Variants in INPP5A observed in about 807,000 individuals in gnomAD.
INPP5A encodes the protein inositol polyphosphate-5-phosphatase A.
A neutral mutation model predicts 65.2 loss-of-function variants in INPP5A; 14 were observed. The observed-to-expected ratio is 0.21, with a 90% confidence interval of 0.14 to 0.34. The LOEUF (loss-of-function observed/expected upper bound fraction) is 0.34, where lower values mean the gene tolerates loss of function less well. Ranked by LOEUF, INPP5A falls within the 10% of genes least tolerant of loss-of-function variation. The pLI is 1.00. For missense variants in INPP5A, 431 were observed against 545.6 expected (o/e 0.79, Z 2.09); for synonymous variants, 207 against 208.3 (o/e 0.99, Z 0.05).
rs957731386 is a variant in INPP5A at position 132,710,439 on chromosome 10, G to T, written c.630G>T (p.Leu210=). Residue 210 remains leucine (L), a synonymous_variant, in exon 8 of 16, where the codon CTG becomes CTT. Transcript: ENST00000368594. ...ACTCGGGAATCCGGCACAAGGCACT[G>T]GGCTACGTGCTGGACAGGTAGGTGT... ...SVYSGIRHKA[L]GYVLDRIIDQ... 1.5e-5 allele frequency: 24 copies of T among 1,613,822 alleles called. No individual in the cohort carries two copies. The highest frequency in any genetic ancestry group is 1.9e-5 in the Non-Finnish European group (23 of 1,180,002).
chr10:132,582,292 G>A (rs2071494178), intron 1 of INPP5A, among the ~76,000 whole-genome samples: 1 of 151,904 alleles, frequency 6.6e-6, no homozygotes, highest in Non-Finnish European at 1.5e-5. Flanking sequence ...TGCTTTTACT[G>A]TCTACATTTG....
intron 8 of INPP5A, among the ~76,000 whole-genome samples, chr10:132,714,857 A>G (rs1845713827): frequency 6.6e-6 from 1 of 152,170 alleles, no homozygotes; most frequent in Non-Finnish European, 1.5e-5. Flanking sequence ...GCGAACCTTT[A>G]CTTTTTTGTG....
intron 1 of INPP5A, among the ~76,000 whole-genome samples, chr10:132,543,324 C>CGGTCT (rs1212651417): frequency 6.6e-6 from 1 of 152,102 alleles, no homozygotes; most frequent in Non-Finnish European, 1.5e-5. Context: ...TGGGATCAGA[C>CGGTCT]GGTCTGCCCT....
chr10:132,562,757 C>T lies in INPP5A; in HGVS notation c.75+24586C>T, dbSNP rs150238901. Among the ~76,000 whole-genome samples the T allele has an allele frequency of 7.1e-3, 1,085 of 152,344 alleles. 15 individuals are homozygous for T. Among genetic ancestry groups the T allele is most frequent in the Non-Finnish European group, 8.4e-3 (574 of 68,030 alleles). Reference sequence around the variant, plus strand: ...ATCTCGAGGGTGAATTAAAGTCACCCCACGCCCAGGACCAGACCTTGGCTC... The same window carrying T: ...ATCTCGAGGGTGAATTAAAGTCACCTCACGCCCAGGACCAGACCTTGGCTC... On this transcript the variant is annotated intron_variant, in intron 1 of 15. Transcript: ENST00000368594.
chr10:132,657,407 C>G (rs2072671187), intron 4 of INPP5A, among the ~76,000 whole-genome samples: 1 of 152,222 alleles, frequency 6.6e-6, no homozygotes, highest in Admixed American at 6.5e-5. Flanking sequence ...GTCTGCCTCC[C>G]CCGCGGCTGG....
chr10:132,720,487 T>C (rs11593622), intron 8 of INPP5A, among the ~76,000 whole-genome samples: 14 of 113,710 alleles, frequency 1.2e-4, no homozygotes, highest in East Asian at 6.3e-4. Context: ...TCTGTCTGGG[T>C]GCCTTAGACA....
At chr10:132,763,734 C>T (rs1399485699) in intron 11 of INPP5A, among the ~76,000 whole-genome samples, 1 of 151,692 alleles carries the variant, frequency 6.6e-6, no homozygotes, top group African/African-American at 2.4e-5. Context: ...TGCCTGCATG[C>T]ACACACATGC....
intron 1 of INPP5A, among the ~76,000 whole-genome samples, chr10:132,557,826 A>G (rs926747282): frequency 6.6e-6 from 1 of 152,130 alleles, no homozygotes; most frequent in African/African-American, 2.4e-5. Flanking sequence ...TAAAGTGTGC[A>G]TCTTACCCTG....
rs1331134743 is a variant in INPP5A, at chr10:132,587,826, C to T, written c.76-20089C>T. ...AGGAATTCGTGACTAGCCTGACCAACATGGTGAAATCCCGTCTCTACTAAA... is the reference window on the plus strand; with the variant it reads ...AGGAATTCGTGACTAGCCTGACCAATATGGTGAAATCCCGTCTCTACTAAA... On this transcript the variant is annotated intron_variant, in intron 1 of 15. Coordinates refer to ENST00000368594, the MANE Select transcript of INPP5A (RefSeq NM_005539.5). The surrounding 1 kb of genome is among the most constrained non-coding windows in gnomAD (Gnocchi z 4.3). Among the ~76,000 whole-genome samples the T allele has an allele frequency of 6.6e-6, 1 of 151,682 alleles. No individual in the cohort carries two copies. Among genetic ancestry groups the T allele is most frequent in the Non-Finnish European group, 1.5e-5 (1 of 67,940 alleles).
In INPP5A at chr10:132,546,528, C is replaced by T. The variant is rs548680457; in HGVS notation, c.75+8357C>T. Among the ~76,000 whole-genome samples the T allele has an allele frequency of 2.6e-4, 40 of 152,154 alleles. No individual in the cohort carries two copies. Among genetic ancestry groups the T allele is most frequent in the African/African-American group, 8.4e-4 (35 of 41,528 alleles). Reference sequence around the variant, plus strand: ...GCTGGGGACCAGCTGGTTGCTGTGTCGGGGGGCCGTGCTCCCCCTTCTCTC... The same window carrying T: ...GCTGGGGACCAGCTGGTTGCTGTGTTGGGGGGCCGTGCTCCCCCTTCTCTC... On this transcript the variant is annotated intron_variant, in intron 1 of 15. Coordinates refer to ENST00000368594, the MANE Select transcript of INPP5A (RefSeq NM_005539.5). The surrounding 1 kb of genome is among the most constrained non-coding windows in gnomAD (Gnocchi z 5.7).
intron 3 of INPP5A, among the ~76,000 whole-genome samples, chr10:132,648,961 C>T (rs375467518): frequency 1.4e-4 from 21 of 152,288 alleles, no homozygotes; most frequent in African/African-American, 4.8e-4. Flanking sequence ...TCTTTAAATA[C>T]TATTTTTCTT....
At chr10:132,668,119 G>T (rs2133429144) in intron 4 of INPP5A, among the ~76,000 whole-genome samples, 1 of 152,298 alleles carries the variant, frequency 6.6e-6, no homozygotes, top group East Asian at 1.9e-4. Context: ...GAGTGTACTG[G>T]AGTCTGCCGG....
At chr10:132,732,094 C>T (rs1361987063) in intron 9 of INPP5A, among the ~76,000 whole-genome samples, 1 of 152,242 alleles carries the variant, frequency 6.6e-6, no homozygotes, top group Non-Finnish European at 1.5e-5. Flanking sequence ...GCCCGGCCAC[C>T]CTGGTCTCTG....
At chr10:132,596,934 C>CAT (rs1564929015) in intron 1 of INPP5A, among the ~76,000 whole-genome samples, 2 of 20,480 alleles carry the variant, frequency 9.8e-5, no homozygotes, top group Admixed American at 7.6e-4. Flanking sequence ...CGCATGTGCA[C>CAT]GCATGTGTGC....
At chr10:132,596,953 A>G (rs372360224) in intron 1 of INPP5A, among the ~76,000 whole-genome samples, 3,090 of 118,258 alleles carry the variant, frequency 0.026, 51 homozygotes, top group Middle Eastern at 0.059. Context: ...GCGTGTGTGC[A>G]CACATGTGTG....
rs2070997561 is a variant in INPP5A, at chr10:132,547,796, G to T, written c.75+9625G>T. On this transcript the variant is annotated intron_variant, in intron 1 of 15. Coordinates refer to ENST00000368594, the MANE Select transcript of INPP5A (RefSeq NM_005539.5). This position sits in a 1 kb window ranked among gnomAD's most constrained non-coding sequence, Gnocchi z 5.5. The stretch of plus-strand genomic sequence containing the variant: ...GCGCTCTTGGTGACTCACCAAGTGA[G>T]TCCCAAGCTCCCTTCCTGTCATACT... 5.3e-5 allele frequency among the ~76,000 whole-genome samples: 8 copies of T among 152,172 alleles called. No homozygotes were observed. In the South Asian group the frequency reaches 1.0e-3, roughly 20 times the overall value.
At chr10:132,642,953 C>T (rs1253685073) in intron 2 of INPP5A, among the ~76,000 whole-genome samples, 4 of 152,276 alleles carry the variant, frequency 2.6e-5, no homozygotes, top group Middle Eastern at 3.4e-3. Context: ...GCTCACGTTC[C>T]GTCCAGTACA....
At chr10:132,635,980 A>G (rs1439909959) in intron 2 of INPP5A, among the ~76,000 whole-genome samples, 14 of 148,570 alleles carry the variant, frequency 9.4e-5, no homozygotes, top group African/African-American at 2.5e-4. Flanking sequence ...CCTATCTCAA[A>G]GACAAAAAAA....
chr10:132,684,342 C>G (rs1289025957), intron 4 of INPP5A, among the ~76,000 whole-genome samples: 4 of 152,186 alleles, frequency 2.6e-5, no homozygotes, highest in Non-Finnish European at 1.5e-5. Flanking sequence ...TGAGAGAGGT[C>G]TGTGTGTGCA....
Sources: gnomAD v4.1 joint callset for allele counts (sites outside exome capture counted in the v4.1 genomes callset) on GRCh38, gnomAD v4.1.1 for gene constraint, Gnocchi (gnomAD v3.1) non-coding constraint, MANE v1.5 for transcripts, NCBI Gene and HGNC (gene_info 2026-07-23, HGNC 2026-07-21) for gene names.